Variants in EDA observed in about 807,000 individuals in gnomAD.
The protein encoded by EDA is ectodysplasin-A.
EDA carries 2 observed loss-of-function variants against 23.6 expected under a neutral mutation model. The observed-to-expected ratio is 0.08, with a 90% CI of 0.03 to 0.27. EDA has a LOEUF of 0.27. Ranked by LOEUF, EDA falls within the 10% of genes least tolerant of loss-of-function variation. The probability of loss-of-function intolerance (pLI) is 1.00; values close to 1 mark genes in which losing one functional copy is unlikely to be tolerated. For missense variants in EDA, 229 were observed against 324.2 expected, an observed-to-expected ratio of 0.71 and a Z score of 2.26; for synonymous variants, 131 against 132.0, an observed-to-expected ratio of 0.99 and a Z score of 0.05.
At chrX:69,806,569 A>G (rs2015821402) in intron 1 of EDA, among the ~76,000 whole-genome samples, 1 of 111,314 alleles carries the variant, frequency 9.0e-6, no homozygotes, top group Non-Finnish European at 1.9e-5. Flanking sequence ...AGCATACAAT[A>G]ATTTAGTGGG....
intron 1 of EDA, among the ~76,000 whole-genome samples, chrX:69,861,888 A>G (rs1186971287): frequency 8.9e-6 from 1 of 112,190 alleles, no homozygotes; most frequent in Non-Finnish European, 1.9e-5. Context: ...AGAAACTTCA[A>G]TTCATGAGAC....
At position 70,030,553 on chromosome X, in the gene EDA, G is replaced by A. The variant is rs772129941; in HGVS notation, c.793+33G>A. 12 of 1,138,755 alleles carry A rather than the reference G, an allele frequency of 1.1e-5. No homozygotes were observed. The South Asian group carries it at 2.1e-4, about 20-fold the overall frequency. 93.8% of individuals were successfully genotyped at this position (1,138,755 alleles called of 1,213,427 possible). ...TCAAAATAGGCTCTCTCCCAAAGAG[G>A]AGCTTCTCCCCTGCCTCCTCCCCAG... On this transcript the variant is annotated intron_variant, in intron 6 of 7. Coordinates refer to ENST00000374552, the MANE Select transcript of EDA (RefSeq NM_001399.5).
rs150292516 is a variant in EDA at position 70,035,537 on chromosome X, C to T, written c.1104C>T (p.Asp368=). The T allele has an allele frequency of 3.9e-4, 472 of 1,205,743 alleles. No individual in the cohort carries two copies. In the South Asian group the frequency reaches 7.8e-3, roughly 20 times the overall value. The change falls in exon 8 of 8, where the codon GAC becomes GAT. Residue 368 remains aspartate, a synonymous_variant. Transcript: ENST00000374552. ...QKIAVKMVHA[D]ISINMSKHTT... The stretch of plus-strand genomic sequence containing the variant: ...TCGCCGTCAAGATGGTGCACGCTGA[C>T]ATCTCCATCAACATGAGCAAGCACA...
chrX:69,866,287 C>G (rs1392417768), intron 1 of EDA, among the ~76,000 whole-genome samples: 1 of 111,458 alleles, frequency 9.0e-6, no homozygotes, highest in Non-Finnish European at 1.9e-5. Flanking sequence ...TCCTTACCAT[C>G]CTTGTGGAGT....
chrX:69,834,676 GTC>G (rs1160821528), intron 1 of EDA, among the ~76,000 whole-genome samples: 1 of 110,954 alleles, frequency 9.0e-6, no homozygotes, highest in Non-Finnish European at 1.9e-5. Flanking sequence ...CAATTTGCCA[GTC>G]TGTGTCTTTT....
chrX:69,834,136 C>A (rs2016703670), intron 1 of EDA, among the ~76,000 whole-genome samples: 1 of 110,464 alleles, frequency 9.1e-6, no homozygotes, highest in South Asian at 4.0e-4. Context: ...ATGAACTCAT[C>A]CAACTATGTG....
At chrX:69,679,886 T>G (rs1324685396) in intron 1 of EDA, among the ~76,000 whole-genome samples, 44 of 107,027 alleles carry the variant, frequency 4.1e-4, no homozygotes, top group African/African-American at 1.4e-3. Flanking sequence ...TTGCTCTTGC[T>G]TTTCTAGTTC....
chrX:69,714,941 A>C (rs370627679), intron 1 of EDA, among the ~76,000 whole-genome samples: 10 of 110,838 alleles, frequency 9.0e-5, no homozygotes, highest in Admixed American at 7.7e-4. Context: ...TAGGATTTTT[A>C]TAGGAATTAT....
At chrX:69,760,238 ACAT>A (rs1265491388) in intron 1 of EDA, among the ~76,000 whole-genome samples, 1 of 104,522 alleles carries the variant, frequency 9.6e-6, no homozygotes, top group Admixed American at 1.0e-4. Flanking sequence ...GTACAAATGT[ACAT>A]CATCATCATT....
intron 1 of EDA, among the ~76,000 whole-genome samples, chrX:69,799,953 G>C (rs1362329533): frequency 8.9e-6 from 1 of 112,209 alleles, no homozygotes; most frequent in South Asian, 3.6e-4. Flanking sequence ...CAATAATCAA[G>C]ATACGGAGTC....
chrX:69,752,993 G>A (rs1182655778), intron 1 of EDA, among the ~76,000 whole-genome samples: 1 of 111,473 alleles, frequency 9.0e-6, no homozygotes, highest in African/African-American at 3.3e-5. Flanking sequence ...CTTGCTAGCG[G>A]TCTATCAATT....
chrX:69,713,165 A>G (rs2012154170), intron 1 of EDA, among the ~76,000 whole-genome samples: 1 of 111,913 alleles, frequency 8.9e-6, no homozygotes, highest in Non-Finnish European at 1.9e-5. Flanking sequence ...ATACATACGT[A>G]ACAAACCTGC....
intron 1 of EDA, among the ~76,000 whole-genome samples, chrX:69,653,711 A>G (rs1350274472): frequency 9.0e-6 from 1 of 111,609 alleles, no homozygotes; most frequent in Non-Finnish European, 1.9e-5. Context: ...AGGATTCCCT[A>G]TTTAATAAAT....
chrX:69,937,380 G>T, intron 1 of EDA: 1 of 645,776 alleles, frequency 1.5e-6, no homozygotes, highest in South Asian at 2.2e-5. Flanking sequence ...TAACTGTTCT[G>T]CCACCTCCTG....
chrX:69,886,436 C>G (rs760809369), intron 1 of EDA, among the ~76,000 whole-genome samples: 1 of 111,136 alleles, frequency 9.0e-6, no homozygotes, highest in East Asian at 2.8e-4. Flanking sequence ...TCTGTGACCC[C>G]AGAAAAAGGC....
intron 1 of EDA, among the ~76,000 whole-genome samples, chrX:69,793,564 G>GTTTT (rs1362047098): frequency 1.8e-4 from 6 of 32,896 alleles, no homozygotes; most frequent in African/African-American, 6.8e-4. Flanking sequence ...TTGTTTGTTT[G>GTTTT]TTTTTGTTTT....
At chrX:69,674,591 G>A (rs2147271542) in intron 1 of EDA, among the ~76,000 whole-genome samples, 1 of 111,577 alleles carries the variant, frequency 9.0e-6, no homozygotes, top group East Asian at 2.8e-4. Flanking sequence ...TTTTTTAAAA[G>A]TTAAATTCCA....
At chrX:69,682,356 G>C (rs1413872476) in intron 1 of EDA, among the ~76,000 whole-genome samples, 2 of 112,704 alleles carry the variant, frequency 1.8e-5, no homozygotes, top group African/African-American at 6.4e-5. Context: ...CACCCAGTTG[G>C]AGCTTCCAGT....
At chrX:69,701,007 G>T (rs1160109569) in intron 1 of EDA, among the ~76,000 whole-genome samples, 1 of 111,268 alleles carries the variant, frequency 9.0e-6, no homozygotes, top group East Asian at 2.8e-4. Flanking sequence ...GTGGAGAGGT[G>T]GCTCAGGGTT....
Sources: allele counts gnomAD v4.1 joint callset (sites outside exome capture counted in the v4.1 genomes callset), GRCh38; gene constraint gnomAD v4.1.1; transcripts MANE v1.5; gene names NCBI Gene and HGNC (gene_info 2026-07-23, HGNC 2026-07-21).